Variants in CEP350 observed in about 807,000 individuals in gnomAD.
CEP350 encodes centrosome-associated protein 350.
CEP350 carries 126 observed loss-of-function variants against 331.8 expected under a neutral mutation model. The ratio of observed to expected loss-of-function variants is 0.38; its 90% CI spans 0.33 to 0.44. CEP350 has a LOEUF of 0.44. Among genes scored for constraint, CEP350 ranks in the 20% least tolerant of loss-of-function variants. CEP350 has a pLI of 1.00. For missense variants in CEP350, 3,406 were observed against 3,634.6 expected (o/e 0.94, Z 1.62); for synonymous variants, 1,200 against 1,259.5 (o/e 0.95, Z 1.00).
intron 1 of CEP350, among the ~76,000 whole-genome samples, chr1:179,956,525 C>A (rs1650183016): frequency 6.6e-6 from 1 of 152,136 alleles, no homozygotes; most frequent in Non-Finnish European, 1.5e-5. Context: ...GTGGGGCAAT[C>A]AATTTATGAA....
In CEP350 at chr1:180,003,202, A is replaced by C. The variant is rs17371159; in HGVS notation, c.1047A>C (p.Arg349=). Residue 349 remains arginine, a synonymous_variant, in exon 7 of 38, where the codon CGA becomes CGC. Transcript: ENST00000367607. ...KGFNPSETKI[R]TPDGKVWQEA... is the part of the protein sequence containing the mutation. ...TCAACCCTTCAGAGACCAAGATTCGAACACCTGATGGGAAAGTGTGGCAGG... is the reference window on the plus strand; with the variant it reads ...TCAACCCTTCAGAGACCAAGATTCGCACACCTGATGGGAAAGTGTGGCAGG... The C allele has an allele frequency of 0.11, 171,709 of 1,611,640 alleles. 10,239 individuals are homozygous for C. The highest frequency in any genetic ancestry group is 0.12 in the Middle Eastern group (734 of 6,054).
At chr1:180,071,334 C>T (rs1247765885) in intron 27 of CEP350, among the ~76,000 whole-genome samples, 2 of 150,016 alleles carry the variant, frequency 1.3e-5, no homozygotes, top group Admixed American at 1.3e-4. Flanking sequence ...TGATGCGCGC[C>T]TGTAATCCCA....
At chr1:180,005,965 T>C (rs1251045282) in intron 7 of CEP350, among the ~76,000 whole-genome samples, 1 of 152,212 alleles carries the variant, frequency 6.6e-6, no homozygotes, top group East Asian at 1.9e-4. Flanking sequence ...GCAAGTTGGA[T>C]TTTTAAAAAA....
chr1:180,071,146 C>CAAA (rs57487170), intron 27 of CEP350, among the ~76,000 whole-genome samples: 5 of 63,234 alleles, frequency 7.9e-5, no homozygotes, highest in Non-Finnish European at 1.2e-4. Context: ...GACTCCATCT[C>CAAA]AAAAAAAAAA....
intron 2 of CEP350, 51 bp downstream of exon 2, chr1:179,986,305 G>A: frequency 3.0e-6 from 4 of 1,332,582 alleles, no homozygotes; most frequent in Non-Finnish European, 4.1e-6. Context: ...TAGGTCATGT[G>A]TATTAAATTT....
At chr1:180,065,761 C>G (rs1035085645) in intron 27 of CEP350, among the ~76,000 whole-genome samples, 2 of 151,556 alleles carry the variant, frequency 1.3e-5, no homozygotes, top group South Asian at 2.1e-4. Context: ...CTGTCCCCCC[C>G]CAAAAAAAAA....
chr1:180,090,500 C>T (rs1408067721), intron 32 of CEP350, among the ~76,000 whole-genome samples: 2 of 135,592 alleles, frequency 1.5e-5, no homozygotes, highest in African/African-American at 2.7e-5. Flanking sequence ...GAGCCGAGAT[C>T]GCGCCACTGC....
Position 180,111,413 on chromosome 1 carries a change from C to G in CEP350, c.*252C>G, listed in dbSNP as rs1661462628. 1 of 316,684 alleles carries G rather than the reference C, an allele frequency of 3.2e-6. No homozygotes were observed. Among genetic ancestry groups the G allele is most frequent in the African/African-American group, 2.1e-5 (1 of 46,814 alleles). The allele number at this position is 316,684 out of a possible 1,614,324, so 19.6% of individuals were successfully genotyped here. ...GCACAGTGTAATCCTACACCTTTTGCTAACACCCCTACTAGGTCCCAGAGG... is the reference window on the plus strand; with the variant it reads ...GCACAGTGTAATCCTACACCTTTTGGTAACACCCCTACTAGGTCCCAGAGG... On this transcript the variant is annotated 3_prime_UTR_variant, in exon 38 of 38. Transcript: ENST00000367607.
intron 12 of CEP350, among the ~76,000 whole-genome samples, chr1:180,021,371 A>G (rs1243285317): frequency 1.3e-5 from 2 of 152,172 alleles, no homozygotes; most frequent in African/African-American, 4.8e-5. Context: ...AACTAAGTAT[A>G]AACCAGGCGC....
intron 1 of CEP350, among the ~76,000 whole-genome samples, chr1:179,961,354 A>G (rs752130448): frequency 5.3e-5 from 8 of 152,156 alleles, no homozygotes; most frequent in Non-Finnish European, 7.3e-5. Context: ...AGGCTAAGGC[A>G]GGAGAATCAC....
rs765434377 is a variant in CEP350 at position 180,094,222 on chromosome 1, A to G, written c.8117A>G (p.Asn2706Ser). Residue 2706 changes from asparagine to serine, a missense_variant, in exon 34 of 38, where the codon AAC (asparagine) becomes AGC (serine). Physicochemically the swap from Asn to Ser is conservative, Grantham distance 46. Transcript: ENST00000367607. Reference protein sequence around the residue: ...KQQQFTEEEDNLYAEASEKLC... With the variant: ...KQQQFTEEEDSLYAEASEKLC... ...CAGCAGTTTACAGAAGAGGAAGACA[A>G]CCTATATGCTGAAGCTTCAGAAAAG... The G allele has an allele frequency of 1.7e-5, 27 of 1,613,080 alleles. No individual in the cohort carries two copies. Among genetic ancestry groups the G allele is most frequent in the Admixed American group, 3.3e-5 (2 of 59,804 alleles).
intron 19 of CEP350, among the ~76,000 whole-genome samples, chr1:180,042,605 A>G (rs1656844685): frequency 6.6e-6 from 1 of 152,214 alleles, no homozygotes; most frequent in Non-Finnish European, 1.5e-5. Flanking sequence ...AGTCATTAGT[A>G]AAAGGAATAG....
chr1:180,094,350 G>A lies in CEP350; in HGVS notation c.8245G>A (p.Glu2749Lys), dbSNP rs1038324546. The A allele has an allele frequency of 5.0e-6, 8 of 1,613,670 alleles. No homozygotes were observed. The African/African-American group carries it at 6.7e-5, about 13-fold the overall frequency. Residue 2749 changes from glutamate (E) to lysine (K), a missense_variant, in exon 34 of 38, where the codon GAA becomes AAA. Physicochemically the swap from Glu to Lys is moderately conservative, Grantham distance 56. Coordinates refer to ENST00000367607, the MANE Select transcript of CEP350 (RefSeq NM_014810.5). ...NEEKKSKQQL[E>K]KISLLTDSLL... ...GGAAAAAAAGTCAAAACAACAACTG[G>A]AAAAAATCAGCTTACTGACAGACAG...
Position 180,041,723 on chromosome 1 carries a change from A to G in CEP350, c.4283A>G (p.Gln1428Arg), listed in dbSNP as rs751166215. The G allele has an allele frequency of 1.1e-5, 17 of 1,613,634 alleles. No individual in the cohort carries two copies. In the East Asian group the frequency reaches 1.8e-4, roughly 17 times the overall value. The change falls in exon 19 of 38, where the codon CAG becomes CGG. Residue 1428 changes from glutamine to arginine, a missense_variant. By Grantham distance (43) the Gln-to-Arg change is conservative. Around this residue, in one of 5 missense-constraint regions of CEP350, gnomAD observed 1,857 missense variants for 1,909.2 expected, o/e 0.97. Transcript: ENST00000367607. ...QSQREVTEVL[Q>R]EATCKIAAQQ... ...CAACGGGAAGTAACTGAAGTCCTGC[A>G]GGAAGCAACGTGTAAAATAGCAGCT...
intron 25 of CEP350, among the ~76,000 whole-genome samples, chr1:180,061,799 T>C (rs1251795918): frequency 1.3e-5 from 2 of 152,220 alleles, no homozygotes; most frequent in Non-Finnish European, 2.9e-5. Flanking sequence ...ATGAAACAGC[T>C]ATGGGCATTA....
intron 20 of CEP350, among the ~76,000 whole-genome samples, chr1:180,043,812 A>C (rs1456891402): frequency 6.7e-6 from 1 of 150,146 alleles, no homozygotes; most frequent in Non-Finnish European, 1.5e-5. Flanking sequence ...GTGTTTTCTT[A>C]ATCATATTTT....
intron 22 of CEP350, chr1:180,052,092 C>G: frequency 2.6e-6 from 1 of 385,028 alleles, no homozygotes. Context: ...TGTGCACACA[C>G]GTATACATGG....
intron 16 of CEP350, 138 bp downstream of exon 16, chr1:180,034,220 A>G: frequency 2.6e-6 from 3 of 1,142,492 alleles, no homozygotes; most frequent in Non-Finnish European, 2.4e-6. Flanking sequence ...AGTATTAAAA[A>G]CTGCAAGAAA....
chr1:179,967,417 C>T (rs1223503472), intron 1 of CEP350, among the ~76,000 whole-genome samples: 1 of 152,024 alleles, frequency 6.6e-6, no homozygotes, highest in Non-Finnish European at 1.5e-5. Context: ...TGTTTCATTT[C>T]TTTTCTTTTT....
Sources: gnomAD v4.1 joint callset for allele counts (sites outside exome capture counted in the v4.1 genomes callset) on GRCh38, gnomAD v4.1.1 for gene constraint, gnomAD v4.1.1 regional missense constraint, MANE v1.5 for transcripts, NCBI Gene and HGNC (gene_info 2026-07-23, HGNC 2026-07-21) for gene names.